COL18A1: variants seen among roughly 807,000 people sequenced by gnomAD.
COL18A1 encodes the protein collagen type XVIII alpha 1 chain.
Under a neutral mutation model 168.0 loss-of-function variants are expected in COL18A1, and 133 were observed. The observed-to-expected ratio is 0.79, with a 90% confidence interval of 0.69 to 0.91. COL18A1 has a LOEUF of 0.91. Among genes scored for constraint, COL18A1 ranks in the 40% least tolerant of loss-of-function variants. The pLI, the probability that COL18A1 is intolerant of heterozygous loss-of-function variation, is 0.00. For missense variants in COL18A1, 2,126 were observed against 1,925.4 expected, an observed-to-expected ratio of 1.10 and a Z score of -1.95; for synonymous variants, 949 against 809.0, an observed-to-expected ratio of 1.17 and a Z score of -2.94.
Position 45,512,170 on chromosome 21 carries a change from G to A in COL18A1, c.3810-18G>A, listed in dbSNP as rs1406375760. ...AGAGCAGGTCTGGGTTTGACTGACG[G>A]CCCGGCGCGTCTTACAGGCCCCAGA... On this transcript the variant is annotated intron_variant, in intron 41 of 41. Coordinates refer to ENST00000651438, the MANE Select transcript of COL18A1 (RefSeq NM_001379500.1). 3 of 1,605,620 alleles carry A rather than the reference G, an allele frequency of 1.9e-6. No homozygotes were observed. The highest frequency in any genetic ancestry group is 2.5e-6 in the Non-Finnish European group (3 of 1,176,704).
Position 45,511,097 on chromosome 21 carries a change from G to A in COL18A1, c.3694-14G>A, listed in dbSNP as rs777667999. ...CCACACACCACACACACATACACAC[G>A]GTTTCTCTTCCAGGACGAGCTGCTG... On this transcript the variant is annotated splice_polypyrimidine_tract_variant and intron_variant, in intron 40 of 41. Coordinates refer to ENST00000651438, the MANE Select transcript of COL18A1 (RefSeq NM_001379500.1). The A allele has an allele frequency of 7.2e-5, 91 of 1,267,336 alleles. No individual in the cohort carries two copies. The highest frequency in any genetic ancestry group is 1.1e-4 in the Admixed American group (5 of 46,846). 78.5% of individuals were successfully genotyped at this position (1,267,336 alleles called of 1,614,324 possible). A position where few individuals can be genotyped will look rare whatever the true frequency, so the allele number is the denominator to read the frequency against.
At position 45,473,887 on chromosome 21, in the gene COL18A1, G is replaced by T. The variant is rs1339723001; in HGVS notation, c.652-8G>T. ...CCGCTGGTGACCCCTTTCTCTGTCT[G>T]CATTTAGGGGGTGATCGCTGAGCTG... On this transcript the variant is annotated splice_polypyrimidine_tract_variant and splice_region_variant and intron_variant, in intron 3 of 41. Coordinates refer to ENST00000651438, the MANE Select transcript of COL18A1 (RefSeq NM_001379500.1). The surrounding 1 kb of genome is among the most constrained non-coding windows in gnomAD (Gnocchi z 4.0). 1 of 1,593,424 alleles carries T rather than the reference G, an allele frequency of 6.3e-7. No individual in the cohort carries two copies. Among genetic ancestry groups the T allele is most frequent in the Non-Finnish European group, 8.5e-7 (1 of 1,170,184 alleles).
At chr21:45,442,445 C>T (rs1209295137) in intron 2 of COL18A1, among the ~76,000 whole-genome samples, 2 of 152,212 alleles carry the variant, frequency 1.3e-5, no homozygotes, top group Admixed American at 6.5e-5. Context: ...ACCCTCACCT[C>T]TGTCAGCTGG....
chr21:45,486,639 C>G (rs780331837), intron 15 of COL18A1, among the ~76,000 whole-genome samples: 8 of 152,232 alleles, frequency 5.3e-5, no homozygotes, highest in Non-Finnish European at 7.3e-5. Context: ...CGACCAAGTT[C>G]GGGCTCCGTG....
At chr21:45,466,926 T>C (rs2035233324) in intron 2 of COL18A1, among the ~76,000 whole-genome samples, 1 of 152,170 alleles carries the variant, frequency 6.6e-6, no homozygotes, top group Non-Finnish European at 1.5e-5. Context: ...AGCTTGGACA[T>C]GTGGGACCAG....
intron 32 of COL18A1, among the ~76,000 whole-genome samples, chr21:45,500,770 G>GT (rs2036759812): frequency 1.2e-4 from 1 of 8,196 alleles, no homozygotes; most frequent in Non-Finnish European, 3.0e-4. Flanking sequence ...GGTTTGGTGT[G>GT]TGTGTGTTGG....
chr21:45,476,258 T>C, intron 5 of COL18A1, 93 bp from the exon 6 acceptor site: 1 of 1,566,074 alleles, frequency 6.4e-7, no homozygotes, highest in East Asian at 2.3e-5. Context: ...TTATCTTTCT[T>C]GCGATCTTAA....
At position 45,457,667 on chromosome 21, in the gene COL18A1, G is replaced by A. The variant is rs1445241485; in HGVS notation, c.107-10575G>A. ...GGAGTAGACGGGGCCCCTGAGCTGT[G>A]CCTGCCCCATTCAGATTCTGCTTGC... is the stretch of plus-strand genomic sequence containing the variant. On this transcript the variant is annotated intron_variant, in intron 2 of 41. Coordinates refer to ENST00000651438, the MANE Select transcript of COL18A1 (RefSeq NM_001379500.1). The surrounding 1 kb of genome is among the most constrained non-coding windows in gnomAD (Gnocchi z 4.6). Among the ~76,000 whole-genome samples, 1 of 152,212 alleles carries A rather than the reference G, an allele frequency of 6.6e-6. No homozygotes were observed. Among genetic ancestry groups the A allele is most frequent in the Non-Finnish European group, 1.5e-5 (1 of 68,020 alleles).
intron 2 of COL18A1, among the ~76,000 whole-genome samples, chr21:45,450,762 G>C (rs535826501): frequency 5.3e-5 from 8 of 152,306 alleles, no homozygotes; most frequent in African/African-American, 1.9e-4. Context: ...TGAAACTGCA[G>C]CCAGTGCATG....
intron 20 of COL18A1, 44 bp from the exon 21 acceptor site, chr21:45,490,791 TC>T (rs770697238): frequency 1.3e-6 from 2 of 1,543,288 alleles, no homozygotes; most frequent in Non-Finnish European, 1.8e-6. Flanking sequence ...GGCCAGGGGC[TC>T]CTGTTTCTGT....
chr21:45,498,543 G>C lies in COL18A1; in HGVS notation c.2683+882G>C, dbSNP rs757758517. ...GAGGCCGCCATACCTGCTCTTGCTGGGGCTGCACTCTGGGGTGGGAAGGGA... is the reference window on the plus strand; with the variant it reads ...GAGGCCGCCATACCTGCTCTTGCTGCGGCTGCACTCTGGGGTGGGAAGGGA... On this transcript the variant is annotated intron_variant, in intron 32 of 41. Coordinates refer to ENST00000651438, the MANE Select transcript of COL18A1 (RefSeq NM_001379500.1). The surrounding 1 kb of genome is among the most constrained non-coding windows in gnomAD (Gnocchi z 4.5). 2.8e-6 allele frequency: 2 copies of C among 716,914 alleles called. No individual in the cohort carries two copies. The allele number at this position is 716,914 out of a possible 1,614,324, so 44.4% of individuals were successfully genotyped here.
Position 45,503,835 on chromosome 21 carries a change from TAACA to T in COL18A1, c.2684-173_2684-170del. On this transcript the variant is annotated intron_variant, in intron 32 of 41. Transcript: ENST00000651438. ...TAAAATAAAAATAAAAAGGCACCAT[TAACA>T]AAAACATCAGAAAGTATCGGTTAAC... 4.5e-6 allele frequency: 2 copies of T among 448,398 alleles called. 1 individual carries two copies. The highest frequency in any genetic ancestry group is 1.1e-4 in the South Asian group (2 of 18,216). 27.8% of individuals were successfully genotyped at this position (448,398 alleles called of 1,614,324 possible).
chr21:45,504,704 G>A, intron 34 of COL18A1, 148 bp downstream of exon 34: 2 of 720,510 alleles, frequency 2.8e-6, no homozygotes, highest in Admixed American at 2.7e-5. Context: ...GTCCCCGTGT[G>A]GGGACGCAGC....
chr21:45,509,228 G>A lies in COL18A1; in HGVS notation c.3250-128G>A, dbSNP rs373405945. 3.0e-5 allele frequency: 39 copies of A among 1,287,130 alleles called. No homozygotes were observed. The African/African-American group carries it at 5.1e-4, about 17-fold the overall frequency. 79.7% of individuals were successfully genotyped at this position (1,287,130 alleles called of 1,614,324 possible). A position where few individuals can be genotyped will look rare whatever the true frequency, so the allele number is the denominator to read the frequency against. ...ACACCCCCAGGGCAGCCCCAGAGTC[G>A]GGGGCGCAGCTCCCTGCTTGCCAGT... On this transcript the variant is annotated intron_variant, in intron 38 of 41. Transcript: ENST00000651438.
At chr21:45,410,643 G>T (rs567694195) in intron 2 of COL18A1, among the ~76,000 whole-genome samples, 1 of 152,358 alleles carries the variant, frequency 6.6e-6, no homozygotes, top group African/African-American at 2.4e-5. Context: ...AACATTTGCC[G>T]CAGTTAGGCC....
At chr21:45,460,948 C>G (rs1411515236) in intron 2 of COL18A1, among the ~76,000 whole-genome samples, 1 of 152,172 alleles carries the variant, frequency 6.6e-6, no homozygotes, top group East Asian at 1.9e-4. Context: ...ATGAAAAGCA[C>G]AGCACTCCAA....
chr21:45,511,076 A>AC lies in COL18A1; in HGVS notation c.3694-34dup, dbSNP rs202035407. 3.9e-4 allele frequency: 366 copies of AC among 930,150 alleles called. 1 individual carries two copies. The East Asian group carries it at 8.9e-3, about 23-fold the overall frequency. The allele number at this position is 930,150 out of a possible 1,614,324, so 57.6% of individuals were successfully genotyped here. The stretch of plus-strand genomic sequence containing the variant: ...CACCCACACCCATCCACACCCCCAC[A>AC]CACCACACACACATACACACGGTTT... On this transcript the variant is annotated intron_variant, in intron 40 of 41. Coordinates refer to ENST00000651438, the MANE Select transcript of COL18A1 (RefSeq NM_001379500.1).
chr21:45,503,959 CG>C, intron 32 of COL18A1, 51 bp from the exon 33 acceptor site: 1 of 1,608,470 alleles, frequency 6.2e-7, no homozygotes, highest in Non-Finnish European at 8.5e-7. Context: ...AGAGGGAACC[CG>C]GCGCTGTCAG....
At chr21:45,448,221 C>A (rs568111964) in intron 2 of COL18A1, among the ~76,000 whole-genome samples, 3 of 152,210 alleles carry the variant, frequency 2.0e-5, no homozygotes, top group African/African-American at 7.2e-5. Flanking sequence ...ACCTTCCATT[C>A]GACTCACAAG....
Sources: allele counts gnomAD v4.1 joint callset (sites outside exome capture counted in the v4.1 genomes callset), GRCh38; gene constraint gnomAD v4.1.1; non-coding constraint Gnocchi (gnomAD v3.1); transcripts MANE v1.5; gene names NCBI Gene and HGNC (gene_info 2026-07-23, HGNC 2026-07-21).